SNRPN: variants seen among roughly 807,000 people sequenced by gnomAD.
SNRPN encodes the protein small nuclear ribonucleoprotein polypeptide N.
SNRPN carries 7 observed loss-of-function variants against 25.2 expected under a neutral mutation model. The observed-to-expected ratio is 0.28, with a 90% CI of 0.16 to 0.52. The LOEUF is 0.52. Among genes scored for constraint, SNRPN ranks in the 20% least tolerant of loss-of-function variants. SNRPN has a pLI of 0.96. For synonymous variants in SNRPN, 124 were observed against 110.6 expected, an observed-to-expected ratio of 1.12 and a Z score of -0.76; for missense variants, 196 against 322.5, an observed-to-expected ratio of 0.61 and a Z score of 3.00.
chr15:24,857,874 A>T (rs2053561283), intron 1 of SNRPN, among the ~76,000 whole-genome samples: 1 of 152,114 alleles, frequency 6.6e-6, no homozygotes, highest in Admixed American at 6.5e-5. Context: ...TTCTAAGAAT[A>T]ATTTGGTGGG....
At chr15:24,930,793 G>A (rs1300935219) in intron 3 of SNRPN, among the ~76,000 whole-genome samples, 2 of 151,884 alleles carry the variant, frequency 1.3e-5, no homozygotes, top group African/African-American at 4.8e-5. Flanking sequence ...CAGCTACTCG[G>A]GAGGCTGAGG....
intron 2 of SNRPN, among the ~76,000 whole-genome samples, chr15:24,841,292 C>T (rs2051682681): frequency 6.6e-6 from 1 of 151,864 alleles, no homozygotes; most frequent in East Asian, 1.9e-4. Context: ...ACTATTGTGT[C>T]TTAGTTCTTA....
chr15:24,849,748 T>C (rs1392340994), intron 2 of SNRPN: 1 of 152,186 alleles, frequency 6.6e-6, no homozygotes, highest in Non-Finnish European at 1.5e-5. Context: ...TGTGGGAGTC[T>C]GGATGAGGGC....
intron 2 of SNRPN, among the ~76,000 whole-genome samples, chr15:24,965,428 T>C (rs1232979364): frequency 6.6e-6 from 1 of 152,132 alleles, no homozygotes; most frequent in Non-Finnish European, 1.5e-5. Flanking sequence ...TCCCAGCTAC[T>C]CAGGAGGCTG....
chr15:24,945,436 G>A (rs2061820761), intron 3 of SNRPN, among the ~76,000 whole-genome samples: 1 of 151,130 alleles, frequency 6.6e-6, no homozygotes, highest in African/African-American at 2.4e-5. Flanking sequence ...CTACTTGAGA[G>A]GCTGAGGCAG....
chr15:24,895,310 A>C (rs1267975908), intron 2 of SNRPN, among the ~76,000 whole-genome samples: 1 of 152,056 alleles, frequency 6.6e-6, no homozygotes, highest in African/African-American at 2.4e-5. Flanking sequence ...AAATTCCTTC[A>C]GCTTAAAATA....
intron 2 of SNRPN, among the ~76,000 whole-genome samples, chr15:24,902,659 T>C (rs1484509029): frequency 2.6e-5 from 4 of 152,210 alleles, no homozygotes; most frequent in African/African-American, 9.6e-5. Flanking sequence ...GTGGTCTTGC[T>C]GACTTCAGGA....
rs1288258453 is a variant in SNRPN at position 24,857,985 on chromosome 15, G to T, written c.-579+1269G>T. ...GCGCTGAGTCAGTTCCCCGGTTGGGGCCATAAGATCAGATGAGTCAGTTTA... is the reference window on the plus strand; with the variant it reads ...GCGCTGAGTCAGTTCCCCGGTTGGGTCCATAAGATCAGATGAGTCAGTTTA... On this transcript the variant is annotated intron_variant, in intron 1 of 11. Transcript: ENST00000400097. Among the ~76,000 whole-genome samples, 3 of 152,146 alleles carry T rather than the reference G, an allele frequency of 2.0e-5. No individual in the cohort carries two copies. The East Asian group carries it at 5.8e-4, about 30-fold the overall frequency.
At chr15:24,878,116 T>C (rs2056164595) in intron 1 of SNRPN, among the ~76,000 whole-genome samples, 1 of 152,240 alleles carries the variant, frequency 6.6e-6, no homozygotes, top group Non-Finnish European at 1.5e-5. Context: ...ATATATTCAG[T>C]ACCACTACAG....
chr15:24,879,634 C>A (rs2056388961), intron 1 of SNRPN, among the ~76,000 whole-genome samples: 1 of 152,192 alleles, frequency 6.6e-6, no homozygotes, highest in Non-Finnish European at 1.5e-5. Context: ...GTCTGTCACC[C>A]TTGTGCTGGA....
At chr15:24,830,192 A>T (rs1013137081) in intron 2 of SNRPN, among the ~76,000 whole-genome samples, 1 of 151,996 alleles carries the variant, frequency 6.6e-6, no homozygotes, top group Admixed American at 6.6e-5. Context: ...TTGGTGGATT[A>T]TTCATGGTTA....
chr15:24,832,945 A>G (rs562561378), intron 2 of SNRPN, among the ~76,000 whole-genome samples: 4 of 151,866 alleles, frequency 2.6e-5, no homozygotes. Context: ...TCTCTACTAA[A>G]AATACAAAAA....
At chr15:24,855,454 C>G (rs2053296306), upstream of SNRPN, among the ~76,000 whole-genome samples, 1 of 151,982 alleles carries the variant, frequency 6.6e-6, no homozygotes. Flanking sequence ...TTTAGAATAT[C>G]TTTTTTTGTA....
At chr15:24,870,954 C>T (rs1294050315) in intron 1 of SNRPN, among the ~76,000 whole-genome samples, 5 of 151,574 alleles carry the variant, frequency 3.3e-5, no homozygotes, top group Non-Finnish European at 7.4e-5. Flanking sequence ...GTTCTTGGCT[C>T]ACTGCAGCCT....
intron 1 of SNRPN, among the ~76,000 whole-genome samples, chr15:24,826,034 T>C (rs948074799): frequency 1.3e-5 from 2 of 152,070 alleles, no homozygotes; most frequent in South Asian, 2.1e-4. Context: ...CTTGGGATTG[T>C]TGCAAGATGG....
At chr15:24,848,856 G>A (rs1206827626) in intron 2 of SNRPN, 1 of 151,372 alleles carries the variant, frequency 6.6e-6, no homozygotes, top group South Asian at 2.1e-4. Context: ...AAGAAAAAAT[G>A]TACAAGGTTG....
chr15:24,875,896 A>G (rs945135137), intron 1 of SNRPN, among the ~76,000 whole-genome samples: 5 of 151,866 alleles, frequency 3.3e-5, no homozygotes. Context: ...TCTACCAAAA[A>G]TACAAAAACT....
chr15:24,954,972 T>C (rs913471193), upstream of SNRPN: 3 of 1,599,832 alleles, frequency 1.9e-6, no homozygotes, highest in Non-Finnish European at 2.6e-6. Flanking sequence ...CTGCCGCTGC[T>C]GCAGCGAGTC....
At chr15:24,845,603 AAAAAG>A (rs889030276) in intron 2 of SNRPN, among the ~76,000 whole-genome samples, 56 of 152,314 alleles carry the variant, frequency 3.7e-4, no homozygotes, top group African/African-American at 1.3e-3. Flanking sequence ...CGTCTCAAAA[AAAAAG>A]AAAAGAAAAG....
Sources: allele counts gnomAD v4.1 joint callset (sites outside exome capture counted in the v4.1 genomes callset), GRCh38; gene constraint gnomAD v4.1.1; transcripts MANE v1.5; gene names NCBI Gene and HGNC (gene_info 2026-07-23, HGNC 2026-07-21).